CTNNBL1: variants seen among roughly 807,000 people sequenced by gnomAD.
The protein encoded by CTNNBL1 is beta-catenin-like protein 1.
A neutral mutation model predicts 72.7 loss-of-function variants in CTNNBL1; 31 were observed. The ratio of observed to expected loss-of-function variants is 0.43; its 90% CI spans 0.32 to 0.58. The LOEUF (loss-of-function observed/expected upper bound fraction) is 0.58. CTNNBL1 is among the 20% of genes least tolerant of loss of function. The pLI, the probability that CTNNBL1 is intolerant of heterozygous loss-of-function variation, is 0.08. For missense variants in CTNNBL1, 534 were observed against 725.1 expected (o/e 0.74, Z 3.03); for synonymous variants, 240 against 267.3 (o/e 0.90, Z 1.00).
intron 15 of CTNNBL1, among the ~76,000 whole-genome samples, 165 bp downstream of exon 15, chr20:37,860,509 G>A (rs1474623): frequency 6.6e-6 from 1 of 152,110 alleles, no homozygotes; most frequent in African/African-American, 2.4e-5. Flanking sequence ...GTCAGAATAC[G>A]GAAGACTAGC....
chr20:37,819,065 G>T (rs901713043), intron 11 of CTNNBL1, among the ~76,000 whole-genome samples: 5 of 152,138 alleles, frequency 3.3e-5, no homozygotes, highest in Admixed American at 6.5e-5. Flanking sequence ...TATAAATTGT[G>T]TAGGGGCTTT....
chr20:37,734,828 G>C (rs932306992), intron 2 of CTNNBL1, among the ~76,000 whole-genome samples: 2 of 152,236 alleles, frequency 1.3e-5, no homozygotes, highest in African/African-American at 2.4e-5. Flanking sequence ...GACTAAGACT[G>C]ATAATTCAGT....
At chr20:37,847,549 C>T (rs1484598055) in intron 13 of CTNNBL1, among the ~76,000 whole-genome samples, 1 of 152,140 alleles carries the variant, frequency 6.6e-6, no homozygotes, top group East Asian at 1.9e-4. Flanking sequence ...CCAGAAAATA[C>T]TAAGATGCCT....
At chr20:37,733,129 C>G in intron 2 of CTNNBL1, 62 bp downstream of exon 2, 1 of 1,446,764 alleles carries the variant, frequency 6.9e-7, no homozygotes, top group Non-Finnish European at 9.6e-7. Flanking sequence ...AATTTTGGGC[C>G]AAATACTAAG....
intron 4 of CTNNBL1, among the ~76,000 whole-genome samples, chr20:37,753,731 C>T (rs2073339861): frequency 1.3e-5 from 2 of 152,136 alleles, no homozygotes; most frequent in African/African-American, 4.8e-5. Flanking sequence ...ACTTCCTTGG[C>T]CTTTGACATA....
chr20:37,852,296 T>A (rs1158166296), intron 13 of CTNNBL1, among the ~76,000 whole-genome samples: 2 of 152,252 alleles, frequency 1.3e-5, no homozygotes, highest in Non-Finnish European at 2.9e-5. Flanking sequence ...GTCCCTTAAA[T>A]CTCTGTTCAT....
intron 11 of CTNNBL1, 63 bp downstream of exon 11, chr20:37,803,111 C>G (rs1395541887): frequency 4.8e-6 from 7 of 1,452,918 alleles, no homozygotes; most frequent in African/African-American, 1.4e-5. Flanking sequence ...GAAATGTGAA[C>G]TACTTTGAAA....
chr20:37,731,949 A>G (rs2073132673), intron 1 of CTNNBL1, among the ~76,000 whole-genome samples: 1 of 152,238 alleles, frequency 6.6e-6, no homozygotes, highest in African/African-American at 2.4e-5. Flanking sequence ...TTGCTGGATC[A>G]TATGATAATT....
At chr20:37,704,029 G>A (rs1263606783) in intron 1 of CTNNBL1, among the ~76,000 whole-genome samples, 6 of 152,056 alleles carry the variant, frequency 3.9e-5, no homozygotes, top group Non-Finnish European at 4.4e-5. Context: ...CACCTGTCTC[G>A]ACCTCCCAAA....
At chr20:37,786,695 C>T (rs2073678244) in intron 10 of CTNNBL1, among the ~76,000 whole-genome samples, 1 of 151,108 alleles carries the variant, frequency 6.6e-6, no homozygotes, top group South Asian at 2.1e-4. Context: ...TTTGTTTATT[C>T]TGTTGCCCTT....
chr20:37,765,907 G>A (rs771697363), intron 6 of CTNNBL1, among the ~76,000 whole-genome samples: 2 of 152,060 alleles, frequency 1.3e-5, no homozygotes, highest in Non-Finnish European at 2.9e-5. Context: ...TTGTTGAACC[G>A]ATATCCTATT....
intron 11 of CTNNBL1, among the ~76,000 whole-genome samples, chr20:37,830,867 CTGAAAG>C (rs2072202933): frequency 6.6e-6 from 1 of 152,076 alleles, no homozygotes; most frequent in Admixed American, 6.5e-5. Flanking sequence ...GAATATTGTA[CTGAAAG>C]TGAAAGAATG....
At chr20:37,737,626 G>A (rs1039218748) in intron 3 of CTNNBL1, 142 bp downstream of exon 3, 30 of 594,402 alleles carry the variant, frequency 5.0e-5, no homozygotes, top group Middle Eastern at 2.6e-4. Flanking sequence ...TCACTAGAAG[G>A]ACTCCCAGGA....
At chr20:37,822,765 C>T (rs78139763) in intron 11 of CTNNBL1, among the ~76,000 whole-genome samples, 12,235 of 152,200 alleles carry the variant, frequency 0.08, 648 homozygotes, top group African/African-American at 0.13. Flanking sequence ...TATTTTTTCA[C>T]ATCTGTACAA....
At chr20:37,771,677 C>A (rs1025965793) in intron 7 of CTNNBL1, among the ~76,000 whole-genome samples, 1 of 152,050 alleles carries the variant, frequency 6.6e-6, no homozygotes, top group Admixed American at 6.6e-5. Flanking sequence ...ACTGGCTCCT[C>A]TCTTCCATTC....
intron 13 of CTNNBL1, among the ~76,000 whole-genome samples, chr20:37,847,442 T>C (rs1568808686): frequency 6.6e-6 from 1 of 152,144 alleles, no homozygotes; most frequent in Non-Finnish European, 1.5e-5. Context: ...CATGTAATTC[T>C]TGAGACCCAT....
intron 3 of CTNNBL1, among the ~76,000 whole-genome samples, chr20:37,741,945 G>A (rs1234225114): frequency 1.3e-5 from 2 of 151,976 alleles, no homozygotes; most frequent in Admixed American, 1.3e-4. Flanking sequence ...AAGTTGGAAG[G>A]AACTGAGAAG....
Position 37,757,646 on chromosome 20 carries a change from T to C in CTNNBL1, c.554T>C (p.Ile185Thr). 2 of 1,612,990 alleles carry C rather than the reference T, an allele frequency of 1.2e-6. No individual in the cohort carries two copies. The highest frequency in any genetic ancestry group is 2.2e-5 in the South Asian group (2 of 90,988). The change falls in exon 5 of 16, where the codon ATC becomes ACC. Residue 185 changes from isoleucine to threonine, a missense_variant. Physicochemically the swap from Ile to Thr is moderately conservative, Grantham distance 89. Transcript: ENST00000361383. Reference protein sequence around the residue: ...HESEEGAEVLIDALVDGQVVA... With the variant: ...HESEEGAEVLTDALVDGQVVA... ...AGTGAAGAGGGAGCAGAAGTGCTCA[T>C]CGATGCTCTGGTAAGTTGCACATCC...
At chr20:37,718,260 G>A (rs1341110729) in intron 1 of CTNNBL1, among the ~76,000 whole-genome samples, 1 of 145,224 alleles carries the variant, frequency 6.9e-6, no homozygotes. Context: ...CTCCCTCCCG[G>A]ACGGGGTGGC....
Sources: gnomAD v4.1 joint callset for allele counts (sites outside exome capture counted in the v4.1 genomes callset) on GRCh38, gnomAD v4.1.1 for gene constraint, MANE v1.5 for transcripts, NCBI Gene and HGNC (gene_info 2026-07-23, HGNC 2026-07-21) for gene names.